Variants in GLIS3 observed in about 807,000 individuals in gnomAD.
GLIS3 encodes the protein GLIS family zinc finger 3.
In GLIS3, 53 loss-of-function variants were observed where a neutral mutation model predicts 78.6. That is an observed-to-expected ratio of 0.67 (90% CI 0.54 to 0.85). The LOEUF is 0.85. Ranked by LOEUF, GLIS3 falls within the 40% of genes least tolerant of loss-of-function variation. The pLI is 0.00. For missense variants in GLIS3, 1,703 were observed against 1,231.1 expected (o/e 1.38, Z -5.74); for synonymous variants, 684 against 509.9 (o/e 1.34, Z -4.60).
intron 7 of GLIS3, among the ~76,000 whole-genome samples, chr9:3,885,028 T>G (rs973406464): frequency 4.6e-5 from 7 of 152,338 alleles, no homozygotes; most frequent in Admixed American, 3.3e-4. Context: ...TTCCCATTTC[T>G]GTTTCTGCCC....
rs1047991330 is a variant in GLIS3 at position 4,095,179 on chromosome 9, C to T, written c.1710+22589G>A. 9.9e-4 allele frequency among the ~76,000 whole-genome samples: 151 copies of T among 152,148 alleles called. 1 individual carries two copies. Among genetic ancestry groups the T allele is most frequent in the Non-Finnish European group, 2.9e-4 (20 of 68,006 alleles). On this transcript the variant is annotated intron_variant, in intron 4 of 10. Coordinates refer to ENST00000381971, the MANE Select transcript of GLIS3 (RefSeq NM_001042413.2). ...CCTTTAACAAATCTCTCCCTATCTC[C>T]GCCTTCCCCCTACCCTTCCCAGCCT...
the GLIS3 span, among the ~76,000 whole-genome samples, chr9:4,426,086 A>G: frequency 6.6e-6 from 1 of 152,186 alleles, no homozygotes; most frequent in African/African-American, 2.4e-5. Flanking sequence ...CTGAGGTGCC[A>G]AGCGCCCTGA....
intron 9 of GLIS3, among the ~76,000 whole-genome samples, chr9:3,846,457 C>G (rs1377263519): frequency 6.6e-6 from 1 of 152,202 alleles, no homozygotes; most frequent in Non-Finnish European, 1.5e-5. Context: ...ACAATAACAG[C>G]TGCAATGACG....
At position 3,829,395 on chromosome 9, in the gene GLIS3, A is replaced by C. The variant is rs767795491; in HGVS notation, c.2571T>G (p.Phe857Leu). 4 of 1,613,980 alleles carry C rather than the reference A, an allele frequency of 2.5e-6. No homozygotes were observed. In the African/African-American group the frequency reaches 5.3e-5, roughly 22 times the overall value. Residue 857 changes from phenylalanine to leucine, a missense_variant, in exon 10 of 11, where the codon TTT (phenylalanine) becomes TTG (leucine). Coordinates refer to ENST00000381971, the MANE Select transcript of GLIS3 (RefSeq NM_001042413.2). Reference protein sequence around the residue: ...PVSSCSVVPSFEDCLVPTSMG... With the variant: ...PVSSCSVVPSLEDCLVPTSMG... ...TGGATGTAGGGACTAGGCAGTCCTCAAACGAAGGCACCACACTGCAGGAGC... is the reference window on the plus strand; with the variant it reads ...TGGATGTAGGGACTAGGCAGTCCTCCAACGAAGGCACCACACTGCAGGAGC...
the GLIS3 span, among the ~76,000 whole-genome samples, chr9:4,460,149 A>G: frequency 2.6e-5 from 4 of 152,044 alleles, no homozygotes; most frequent in African/African-American, 9.7e-5. Context: ...TCGGTGGTGG[A>G]CCAGTCAACA....
At chr9:4,022,796 G>A (rs1044243521) in intron 4 of GLIS3, among the ~76,000 whole-genome samples, 2 of 152,164 alleles carry the variant, frequency 1.3e-5, no homozygotes, top group Admixed American at 6.5e-5. Flanking sequence ...AGGTGATTAC[G>A]GTAGTGAAAG....
intron 4 of GLIS3, among the ~76,000 whole-genome samples, chr9:4,116,698 G>A (rs1453671239): frequency 2.0e-5 from 3 of 152,134 alleles, no homozygotes; most frequent in Non-Finnish European, 4.4e-5. Context: ...AGGAACTCGG[G>A]CTGGGGAACC....
Position 3,946,883 on chromosome 9 carries a change from T to A in GLIS3, c.1711-9694A>T, listed in dbSNP as rs567518552. Among the ~76,000 whole-genome samples, 169 of 151,424 alleles carry A rather than the reference T, an allele frequency of 1.1e-3. 1 individual carries two copies. The highest frequency in any genetic ancestry group is 4.0e-3 in the African/African-American group (164 of 41,406). On this transcript the variant is annotated intron_variant, in intron 4 of 10. Coordinates refer to ENST00000381971, the MANE Select transcript of GLIS3 (RefSeq NM_001042413.2). ...GCCAGGGAAGAGCCTCTCATCAGAG[T>A]TTCTCATGCAAAGAAAAATGATCTT... is the stretch of plus-strand genomic sequence containing the variant.
At chr9:4,136,023 C>T (rs7870193) in intron 2 of GLIS3, among the ~76,000 whole-genome samples, 52,637 of 151,996 alleles carry the variant, frequency 0.35, 9,457 homozygotes, top group Non-Finnish European at 0.38. Flanking sequence ...GGCTAAATGG[C>T]TACGAACACC....
At chr9:3,888,276 C>T (rs1161676277) in intron 7 of GLIS3, among the ~76,000 whole-genome samples, 1 of 152,204 alleles carries the variant, frequency 6.6e-6, no homozygotes, top group African/African-American at 2.4e-5. Context: ...CCAATCTCCT[C>T]ATTACTCATG....
chr9:4,079,062 T>C (rs745512735), intron 4 of GLIS3, among the ~76,000 whole-genome samples: 1 of 152,212 alleles, frequency 6.6e-6, no homozygotes, highest in Non-Finnish European at 1.5e-5. Context: ...GCAAACAAGA[T>C]ATTTCATACT....
intron 4 of GLIS3, among the ~76,000 whole-genome samples, chr9:4,112,589 G>T (rs974438650): frequency 6.6e-6 from 1 of 152,154 alleles, no homozygotes; most frequent in African/African-American, 2.4e-5. Context: ...GATGATTCCA[G>T]TGTCAGCCAG....
intron 7 of GLIS3, among the ~76,000 whole-genome samples, chr9:3,887,156 T>TATC (rs1468756791): frequency 6.6e-6 from 1 of 152,200 alleles, no homozygotes; most frequent in East Asian, 1.9e-4. Context: ...CAGTGTAGAC[T>TATC]ATCATTATCC....
At chr9:3,861,748 A>T (rs1820227813) in intron 8 of GLIS3, among the ~76,000 whole-genome samples, 1 of 152,174 alleles carries the variant, frequency 6.6e-6, no homozygotes, top group South Asian at 2.1e-4. Context: ...GAACACATGG[A>T]CACAGGGAGG....
At chr9:3,941,717 C>G (rs140182080) in intron 4 of GLIS3, among the ~76,000 whole-genome samples, 2 of 152,342 alleles carry the variant, frequency 1.3e-5, no homozygotes, top group Non-Finnish European at 2.9e-5. Flanking sequence ...CTTGAAAATA[C>G]TGCACTGCAT....
chr9:4,397,666 A>AAGGGAGGGAGGAAGGG, the GLIS3 span, among the ~76,000 whole-genome samples: 4 of 129,594 alleles, frequency 3.1e-5, no homozygotes, highest in Admixed American at 8.2e-5. Context: ...GGAAGGAAGG[A>AAGGGAGGGAGGAAGGG]AGGGAGGGAG....
intron 2 of GLIS3, among the ~76,000 whole-genome samples, chr9:4,138,140 C>T (rs1833538935): frequency 6.6e-6 from 1 of 152,194 alleles, no homozygotes. Context: ...CAAGCCTCAT[C>T]TGGTGGACAC....
At chr9:4,452,586 A>G in the GLIS3 span, among the ~76,000 whole-genome samples, 1 of 152,314 alleles carries the variant, frequency 6.6e-6, no homozygotes, top group East Asian at 1.9e-4. Context: ...CAAAGAGGAC[A>G]AAATACCTAG....
chr9:3,845,734 C>T (rs571003948), intron 9 of GLIS3, among the ~76,000 whole-genome samples: 43 of 152,266 alleles, frequency 2.8e-4, no homozygotes, highest in South Asian at 1.7e-3. Flanking sequence ...TGCATGCCCA[C>T]GCACGCACAC....
Sources: allele counts gnomAD v4.1 joint callset (sites outside exome capture counted in the v4.1 genomes callset), GRCh38; gene constraint gnomAD v4.1.1; transcripts MANE v1.5; gene names NCBI Gene and HGNC (gene_info 2026-07-23, HGNC 2026-07-21).